SPTSSA: variants seen among roughly 807,000 people sequenced by gnomAD.
The protein encoded by SPTSSA is small subunit of serine palmitoyltransferase A.
Under a neutral mutation model 9.1 loss-of-function variants are expected in SPTSSA, and 8 were observed. The observed-to-expected ratio is 0.88, with a 90% CI of 0.51 to 1.58. The LOEUF is 1.58. Among genes scored for constraint, SPTSSA ranks in the 40% most tolerant of loss-of-function variants. The pLI, the probability that SPTSSA is intolerant of heterozygous loss-of-function variation, is 0.00. For synonymous variants in SPTSSA, 42 were observed against 37.7 expected, an observed-to-expected ratio of 1.11 and a Z score of -0.41; for missense variants, 100 against 93.8, an observed-to-expected ratio of 1.07 and a Z score of -0.27.
chr14:34,460,477 CTAGT>C (rs1878594532), intron 1 of SPTSSA, among the ~76,000 whole-genome samples: 3 of 152,150 alleles, frequency 2.0e-5, no homozygotes, highest in South Asian at 2.1e-4. Flanking sequence ...AAGGCATCAC[CTAGT>C]TATTTATAGG....
At chr14:34,446,294 C>A (rs1883421256) in intron 1 of SPTSSA, among the ~76,000 whole-genome samples, 1 of 152,168 alleles carries the variant, frequency 6.6e-6, no homozygotes, top group Non-Finnish European at 1.5e-5. Context: ...GGAAATTTCT[C>A]CCAAGAAGAT....
chr14:34,451,612 A>G (rs990296850), intron 1 of SPTSSA, among the ~76,000 whole-genome samples: 32 of 150,320 alleles, frequency 2.1e-4, no homozygotes, highest in African/African-American at 6.9e-4. Context: ...AGTCCCAGCT[A>G]CTCCGGAGGC....
At position 34,439,567 on chromosome 14, in the gene SPTSSA, CTTCCCAACAGTCCAAACCA is replaced by C. The variant is rs374444011; in HGVS notation, c.113-4282_113-4264del. 7.5e-3 allele frequency among the ~76,000 whole-genome samples: 1,136 copies of C among 152,284 alleles called. 17 individuals are homozygous for C. Among genetic ancestry groups the C allele is most frequent in the African/African-American group, 0.026 (1,078 of 41,540 alleles). ...ACTACCATGCTACTTTTCCACTGTA[CTTCCCAACAGTCCAAACCA>C]TTCCCTAATATACACATATCCTACT... is the stretch of plus-strand genomic sequence containing the variant. On this transcript the variant is annotated intron_variant, in intron 1 of 1. Coordinates refer to ENST00000298130, the MANE Select transcript of SPTSSA (RefSeq NM_138288.4).
At chr14:34,449,669 A>T (rs1203317342) in intron 1 of SPTSSA, among the ~76,000 whole-genome samples, 1 of 151,326 alleles carries the variant, frequency 6.6e-6, no homozygotes, top group Non-Finnish European at 1.5e-5. Flanking sequence ...CGCCCAGCTG[A>T]TTTTTATATT....
At chr14:34,438,527 C>T (rs573990892) in intron 1 of SPTSSA, among the ~76,000 whole-genome samples, 3 of 152,226 alleles carry the variant, frequency 2.0e-5, no homozygotes, top group East Asian at 1.9e-4. Flanking sequence ...TACCTACTTA[C>T]GGTACATTTC....
chr14:34,448,677 G>A (rs979533148), intron 1 of SPTSSA, among the ~76,000 whole-genome samples: 5 of 152,156 alleles, frequency 3.3e-5, no homozygotes, highest in Admixed American at 2.6e-4. Flanking sequence ...ACTATGGAGT[G>A]TACTTTCATT....
Position 34,435,110 on chromosome 14 carries a change from T to C in SPTSSA, c.*91A>G, listed in dbSNP as rs1883217591. On this transcript the variant is annotated 3_prime_UTR_variant, in exon 2 of 2. Coordinates refer to ENST00000298130, the MANE Select transcript of SPTSSA (RefSeq NM_138288.4). ...TTATAAGGTTGGTTATGTTGACATC[T>C]AGAAGAGTTTCTTATCACATCTGAT... 3 of 928,412 alleles carry C rather than the reference T, an allele frequency of 3.2e-6. No homozygotes were observed. The highest frequency in any genetic ancestry group is 3.3e-6 in the Non-Finnish European group (2 of 605,696). 57.5% of individuals were successfully genotyped at this position (928,412 alleles called of 1,614,324 possible). A position where few individuals can be genotyped will look rare whatever the true frequency, so the allele number is the denominator to read the frequency against.
chr14:34,457,061 C>T (rs1878498572), intron 1 of SPTSSA, among the ~76,000 whole-genome samples: 2 of 151,130 alleles, frequency 1.3e-5, no homozygotes, highest in African/African-American at 4.9e-5. Flanking sequence ...TCACTGCAAC[C>T]TCCACTTCTT....
At chr14:34,454,891 A>T (rs1319573254) in intron 1 of SPTSSA, among the ~76,000 whole-genome samples, 1 of 152,154 alleles carries the variant, frequency 6.6e-6, no homozygotes, top group African/African-American at 2.4e-5. Flanking sequence ...GTTCGAGACC[A>T]GGCTGGCCAA....
rs146802625 is a variant in SPTSSA at position 34,433,957 on chromosome 14, C to A, written c.*1244G>T. 2 of 147,220 alleles carry A rather than the reference C, an allele frequency of 1.4e-5. No individual in the cohort carries two copies. The highest frequency in any genetic ancestry group is 6.7e-5 in the Admixed American group (1 of 14,828). The allele number at this position is 147,220 out of a possible 1,614,324, so 9.1% of individuals were successfully genotyped here. On this transcript the variant is annotated 3_prime_UTR_variant, in exon 2 of 2. Transcript: ENST00000298130. ...CATCCTGGGCGACAGGGCAAGACTC[C>A]GTCTCAAAAAAAAAAAAACAAAAAA...
At chr14:34,441,644 C>A (rs1233778018) in intron 1 of SPTSSA, among the ~76,000 whole-genome samples, 1 of 151,908 alleles carries the variant, frequency 6.6e-6, no homozygotes, top group Non-Finnish European at 1.5e-5. Flanking sequence ...TTCTTTTCTG[C>A]TCCATACAGG....
At chr14:34,458,503 A>AT (rs199889448) in intron 1 of SPTSSA, among the ~76,000 whole-genome samples, 25,097 of 140,668 alleles carry the variant, frequency 0.18, 2,238 homozygotes, top group East Asian at 0.28. Flanking sequence ...CTTTCTTTTT[A>AT]TTTTTTTTTT....
At position 34,441,612 on chromosome 14, in the gene SPTSSA, T is replaced by C. The variant is rs534632942; in HGVS notation, c.113-6308A>G. On this transcript the variant is annotated intron_variant, in intron 1 of 1. Transcript: ENST00000298130. ...GAAGAGGTAAACCTAAAGTTTGGGA[T>C]TTTTTTTTCTCCTTTCTCCTTTTCT... is the stretch of plus-strand genomic sequence containing the variant. Among the ~76,000 whole-genome samples, 9 of 151,756 alleles carry C rather than the reference T, an allele frequency of 5.9e-5. No homozygotes were observed. In the South Asian group the frequency reaches 1.7e-3, roughly 28 times the overall value.
rs537095822 is a variant in SPTSSA at position 34,451,596 on chromosome 14, G to A, written c.112+10500C>T. ...AAATTAGCCGGGCGCGGTGGCGGGC[G>A]CCTGTAGTCCCAGCTACTCCGGAGG... is the stretch of plus-strand genomic sequence containing the variant. On this transcript the variant is annotated intron_variant, in intron 1 of 1. Transcript: ENST00000298130. 1.4e-4 allele frequency among the ~76,000 whole-genome samples: 22 copies of A among 151,750 alleles called. No individual in the cohort carries two copies. The South Asian group carries it at 2.3e-3, about 16-fold the overall frequency.
intron 1 of SPTSSA, among the ~76,000 whole-genome samples, chr14:34,449,380 GTGAT>G (rs1348705993): frequency 6.6e-6 from 1 of 151,742 alleles, no homozygotes; most frequent in Middle Eastern, 3.2e-3. Flanking sequence ...GGATGACTGA[GTGAT>G]ACCCTGTCTT....
At chr14:34,450,046 G>T (rs1347803151) in intron 1 of SPTSSA, among the ~76,000 whole-genome samples, 1 of 152,172 alleles carries the variant, frequency 6.6e-6, no homozygotes, top group Admixed American at 6.5e-5. Flanking sequence ...CCCTGTTTGT[G>T]TCAAAAGCTC....
chr14:34,451,653 G>T (rs1204318352), intron 1 of SPTSSA, among the ~76,000 whole-genome samples: 1 of 151,154 alleles, frequency 6.6e-6, no homozygotes, highest in African/African-American at 2.4e-5. Context: ...AACTCGGGAG[G>T]CGGAGCTTGC....
At chr14:34,446,059 T>C (rs1883414045) in intron 1 of SPTSSA, among the ~76,000 whole-genome samples, 1 of 152,226 alleles carries the variant, frequency 6.6e-6, no homozygotes, top group Non-Finnish European at 1.5e-5. Flanking sequence ...AGAGGGCTGA[T>C]GTTGTAACAG....
intron 1 of SPTSSA, among the ~76,000 whole-genome samples, chr14:34,452,505 A>G (rs1883547680): frequency 6.6e-6 from 1 of 152,210 alleles, no homozygotes; most frequent in Non-Finnish European, 1.5e-5. Context: ...ATACAAACCT[A>G]AGTATGAAAA....
Sources: gnomAD v4.1 joint callset for allele counts (sites outside exome capture counted in the v4.1 genomes callset) on GRCh38, gnomAD v4.1.1 for gene constraint, MANE v1.5 for transcripts, NCBI Gene and HGNC (gene_info 2026-07-23, HGNC 2026-07-21) for gene names.